The following STRBP variants were observed in gnomAD, a reference collection of about 807,000 sequenced individuals.
STRBP encodes spermatid perinuclear RNA binding protein.
A neutral mutation model predicts 80.1 loss-of-function variants in STRBP; 13 were observed. The observed-to-expected ratio is 0.16, with a 90% confidence interval of 0.11 to 0.26. The LOEUF is 0.26. Among genes scored for constraint, STRBP ranks in the 10% least tolerant of loss-of-function variants. The pLI is 1.00. For synonymous variants in STRBP, 284 were observed against 291.2 expected (o/e 0.98, Z 0.25); for missense variants, 485 against 815.2 (o/e 0.59, Z 4.93).
chr9:123,123,092 C>T lies in STRBP; in HGVS notation c.*2505G>A. 4.1e-6 allele frequency: 4 copies of T among 985,398 alleles called. No homozygotes were observed. Among genetic ancestry groups the T allele is most frequent in the Non-Finnish European group, 4.8e-6 (4 of 829,936 alleles). The allele number at this position is 985,398 out of a possible 1,614,324, so 61.0% of individuals were successfully genotyped here. A position where few individuals can be genotyped will look rare whatever the true frequency, so the allele number is the denominator to read the frequency against. ...CTTAAGACCAAGACATAGAAATTGC[C>T]ATTTCAAGCCAGACAACCTGATGGT... On this transcript the variant is annotated 3_prime_UTR_variant, in exon 19 of 19. Coordinates refer to ENST00000348403, the MANE Select transcript of STRBP (RefSeq NM_018387.5).
At chr9:123,263,034 C>T (rs2041190534) in intron 1 of STRBP, among the ~76,000 whole-genome samples, 1 of 152,160 alleles carries the variant, frequency 6.6e-6, no homozygotes, top group South Asian at 2.1e-4. Context: ...ATTCACTAGC[C>T]TCTTAGAATT....
At chr9:123,193,545 T>C (rs2038996667) in intron 2 of STRBP, among the ~76,000 whole-genome samples, 1 of 152,216 alleles carries the variant, frequency 6.6e-6, no homozygotes. Flanking sequence ...ACTTCTGGCA[T>C]AAATATTAGA....
intron 13 of STRBP, among the ~76,000 whole-genome samples, chr9:123,146,474 A>C (rs1380541570): frequency 2.0e-5 from 3 of 151,446 alleles, no homozygotes; most frequent in Non-Finnish European, 2.9e-5. Flanking sequence ...AAAAACACTA[A>C]TGAAACATTA....
intron 6 of STRBP, among the ~76,000 whole-genome samples, chr9:123,164,022 G>A (rs1025630891): frequency 1.8e-4 from 27 of 152,032 alleles, no homozygotes; most frequent in African/African-American, 6.5e-4. Flanking sequence ...AAGAAATATA[G>A]CATTTTTTTG....
intron 11 of STRBP, 88 bp downstream of exon 11, chr9:123,157,924 A>T: frequency 1.0e-6 from 1 of 970,778 alleles, no homozygotes; most frequent in South Asian, 1.5e-5. Flanking sequence ...ACAATTATTA[A>T]GTTCCCTAAG....
In STRBP at chr9:123,115,500, C is replaced by T. The variant is rs1179167442; in HGVS notation, c.*84+429G>A. On this transcript the variant is annotated intron_variant and NMD_transcript_variant, in intron 3 of 3. Transcript: ENST00000471564. The surrounding 1 kb of genome is among the most constrained non-coding windows in gnomAD (Gnocchi z 5.0). ...ACCTCTTTCTTCCCCTCCCTGTACT[C>T]TCCATCTGGGTCAATGATTTCACCT... 5.0e-6 allele frequency: 2 copies of T among 399,602 alleles called. No homozygotes were observed. Among genetic ancestry groups the T allele is most frequent in the South Asian group, 3.8e-5 (2 of 52,352 alleles). 24.8% of individuals were successfully genotyped at this position (399,602 alleles called of 1,614,324 possible).
chr9:123,187,253 C>T (rs2038735962), intron 2 of STRBP, among the ~76,000 whole-genome samples: 1 of 134,178 alleles, frequency 7.5e-6, no homozygotes, highest in African/African-American at 2.6e-5. Context: ...CTATAGAGGA[C>T]AAACTTCAGC....
intron 2 of STRBP, among the ~76,000 whole-genome samples, chr9:123,208,428 GCA>G (rs1289907279): frequency 2.0e-5 from 3 of 152,072 alleles, no homozygotes; most frequent in East Asian, 3.9e-4. Flanking sequence ...CTTAGCTAGC[GCA>G]CAGTTTGTTG....
At chr9:123,197,752 G>C (rs987618978) in intron 2 of STRBP, among the ~76,000 whole-genome samples, 1 of 128,242 alleles carries the variant, frequency 7.8e-6, no homozygotes, top group East Asian at 2.4e-4. Flanking sequence ...TCAGCTCACT[G>C]CAACCTCCAC....
chr9:123,225,939 G>A (rs2488465), intron 2 of STRBP, among the ~76,000 whole-genome samples: 58,414 of 152,006 alleles, frequency 0.38, 18,301 homozygotes, highest in African/African-American at 0.84. Flanking sequence ...ACAATCCAGC[G>A]CTCCCACACC....
At chr9:123,116,038 C>A (rs1319752176) in exon 3 of STRBP, 1 of 456,132 alleles carries the variant, frequency 2.2e-6, no homozygotes, top group Admixed American at 2.4e-5. Context: ...TCCCCAGGTG[C>A]CAATTTCCAT....
chr9:123,236,435 T>C (rs1226666943), intron 2 of STRBP, among the ~76,000 whole-genome samples: 1 of 152,162 alleles, frequency 6.6e-6, no homozygotes, highest in African/African-American at 2.4e-5. Context: ...AACTGACATA[T>C]CTAAAACATG....
At chr9:123,238,576 T>C (rs2040621451) in intron 1 of STRBP, among the ~76,000 whole-genome samples, 1 of 152,200 alleles carries the variant, frequency 6.6e-6, no homozygotes, top group Admixed American at 6.5e-5. Flanking sequence ...GGCACCCTAA[T>C]TTCAGCACGG....
At chr9:123,251,071 T>A (rs1462947609) in intron 1 of STRBP, among the ~76,000 whole-genome samples, 1 of 152,224 alleles carries the variant, frequency 6.6e-6, no homozygotes, top group Non-Finnish European at 1.5e-5. Flanking sequence ...GAGGCTGCAG[T>A]GAGCCATGAT....
intron 2 of STRBP, among the ~76,000 whole-genome samples, chr9:123,219,532 T>C (rs1398934415): frequency 6.6e-6 from 1 of 152,346 alleles, no homozygotes; most frequent in South Asian, 2.1e-4. Context: ...AAACTATAAA[T>C]TGAAGGCCAG....
intron 1 of STRBP, among the ~76,000 whole-genome samples, chr9:123,242,482 A>C (rs1031592670): frequency 6.6e-6 from 1 of 152,184 alleles, no homozygotes; most frequent in East Asian, 1.9e-4. Context: ...AACATGGCAA[A>C]ACCCCGTCTC....
chr9:123,140,307 A>G (rs2036534935), intron 13 of STRBP, among the ~76,000 whole-genome samples: 1 of 152,214 alleles, frequency 6.6e-6, no homozygotes, highest in African/African-American at 2.4e-5. Flanking sequence ...TAAAAGATTC[A>G]GTCTCGGCCA....
chr9:123,155,852 A>G (rs1392697316), intron 11 of STRBP, among the ~76,000 whole-genome samples: 1 of 152,118 alleles, frequency 6.6e-6, no homozygotes, highest in Non-Finnish European at 1.5e-5. Context: ...CACCGAGAAT[A>G]ACACGAATAA....
rs77929006 is a variant in STRBP at position 123,131,011 on chromosome 9, G to A, written c.1897+1834C>T. Among the ~76,000 whole-genome samples, 1,452 of 151,840 alleles carry A rather than the reference G, an allele frequency of 9.6e-3. 22 individuals carry two copies. Among genetic ancestry groups the A allele is most frequent in the African/African-American group, 0.033 (1,363 of 41,388 alleles). ...ATAGATGTACATAGTTCCGGGGTTC[G>A]TGTGATAATTTAATATACCCATGTA... is the stretch of plus-strand genomic sequence containing the variant. On this transcript the variant is annotated intron_variant, in intron 17 of 18. Coordinates refer to ENST00000348403, the MANE Select transcript of STRBP (RefSeq NM_018387.5).
Sources: gnomAD v4.1 joint callset for allele counts (sites outside exome capture counted in the v4.1 genomes callset) on GRCh38, gnomAD v4.1.1 for gene constraint, Gnocchi (gnomAD v3.1) non-coding constraint, MANE v1.5 for transcripts, NCBI Gene and HGNC (gene_info 2026-07-23, HGNC 2026-07-21) for gene names.